The following GRIA2 variants were observed in gnomAD, a reference collection of about 807,000 sequenced individuals.
GRIA2 encodes the protein glutamate ionotropic receptor AMPA type subunit 2, also known as glutamate receptor 2.
In GRIA2, 14 loss-of-function variants were observed where a neutral mutation model predicts 97.3. The observed-to-expected ratio is 0.14, with a 90% CI of 0.10 to 0.23. The LOEUF (loss-of-function observed/expected upper bound fraction) is 0.23. GRIA2 is among the 10% of genes least tolerant of loss of function. The pLI, the probability that GRIA2 is intolerant of heterozygous loss-of-function variation, is 1.00. For synonymous variants in GRIA2, 412 were observed against 387.8 expected (o/e 1.06, Z -0.73); for missense variants, 558 against 1,069.8 (o/e 0.52, Z 6.67).
intron 12 of GRIA2, 51 bp from the exon 13 acceptor site, chr4:157,359,845 A>AT: frequency 1.9e-6 from 3 of 1,550,474 alleles, no homozygotes. Flanking sequence ...TTTGTGAGTA[A>AT]TTTTTTAGGG....
At chr4:157,326,680 C>A (rs976060427) in intron 6 of GRIA2, among the ~76,000 whole-genome samples, 1 of 152,120 alleles carries the variant, frequency 6.6e-6, no homozygotes, top group Non-Finnish European at 1.5e-5. Flanking sequence ...TATGTAATGT[C>A]TCCAGTGCAA....
At chr4:157,338,333 A>T (rs1455910907) in intron 11 of GRIA2, among the ~76,000 whole-genome samples, 1 of 151,980 alleles carries the variant, frequency 6.6e-6, no homozygotes, top group Admixed American at 6.6e-5. Flanking sequence ...GGAGAAGTGT[A>T]TGTGGGTTCA....
upstream of GRIA2, chr4:157,220,320 G>A (rs1729426609): frequency 6.6e-6 from 1 of 152,234 alleles, no homozygotes; most frequent in Non-Finnish European, 1.5e-5. Context: ...TGCTGCATTT[G>A]GTCCAGGTTG....
At chr4:157,341,595 GTC>G in intron 12 of GRIA2, 133 bp downstream of exon 12, 1 of 649,448 alleles carries the variant, frequency 1.5e-6, no homozygotes, top group Non-Finnish European at 2.7e-6. Context: ...TCTTGACTTT[GTC>G]TCTGTTTCTG....
At chr4:157,229,080 A>G (rs1051028309) in intron 2 of GRIA2, among the ~76,000 whole-genome samples, 3 of 152,198 alleles carry the variant, frequency 2.0e-5, no homozygotes, top group East Asian at 3.9e-4. Flanking sequence ...TTAAAAATGT[A>G]CAGAATCACA....
rs146186503 is a variant in GRIA2, at chr4:157,242,303, T to C, written c.229+20496T>C. Among the ~76,000 whole-genome samples the C allele has an allele frequency of 7.8e-3, 1,188 of 152,214 alleles. 7 individuals are homozygous for C. Among genetic ancestry groups the C allele is most frequent in the Middle Eastern group, 0.041 (12 of 294 alleles). On this transcript the variant is annotated intron_variant, in intron 2 of 15. Transcript: ENST00000264426. ...TGGAAAAAAACTATTAAGTAATTGA[T>C]ATAAGAAACAGAGCCCTGGCGATTT...
chr4:157,362,787 T>C lies in GRIA2; in HGVS notation c.2407-12T>C, dbSNP rs375219541. 7.5e-6 allele frequency: 12 copies of C among 1,607,520 alleles called. No homozygotes were observed. The African/African-American group carries it at 1.1e-4, about 14-fold the overall frequency. On this transcript the variant is annotated splice_polypyrimidine_tract_variant and intron_variant, in intron 14 of 15. Transcript: ENST00000264426. The stretch of plus-strand genomic sequence containing the variant: ...GCCTTCCTAATAACCTCTTCTCATA[T>C]ACATTCTTTAGGAAAAGACCAGTGC...
intron 3 of GRIA2, among the ~76,000 whole-genome samples, chr4:157,304,485 T>C (rs148488096): frequency 9.2e-5 from 14 of 152,312 alleles, no homozygotes; most frequent in South Asian, 2.1e-4. Flanking sequence ...CTTGCTTGAT[T>C]TATGTCATAG....
chr4:157,256,400 T>C (rs1731275233), intron 2 of GRIA2, among the ~76,000 whole-genome samples: 1 of 149,538 alleles, frequency 6.7e-6, no homozygotes, highest in African/African-American at 2.5e-5. Context: ...TAAGCATGTA[T>C]TCATGGTAAA....
Position 157,355,951 on chromosome 4 carries a change from T to TTA in GRIA2, c.2044-3939_2044-3938dup, listed in dbSNP as rs1553958593. ...TATATATTTATATATTAATATATAT[T>TTA]TATATATTTATGTATATTAATATAT... On this transcript the variant is annotated intron_variant, in intron 12 of 15. Transcript: ENST00000264426. Among the ~76,000 whole-genome samples the TTA allele has an allele frequency of 2.3e-3, 157 of 67,978 alleles. 1 individual carries two copies. The highest frequency in any genetic ancestry group is 5.5e-3 in the African/African-American group (73 of 13,244). The allele number at this position is 67,978 out of a possible 152,430, so 44.6% of individuals were successfully genotyped here.
intron 2 of GRIA2, among the ~76,000 whole-genome samples, chr4:157,250,258 T>C (rs1353741427): frequency 6.6e-6 from 1 of 152,074 alleles, no homozygotes; most frequent in Admixed American, 6.6e-5. Context: ...TATATTAAAG[T>C]TTAACTTGAT....
rs1260860145 is a variant in GRIA2, at chr4:157,341,222, C to T, written c.1845-42C>T. 3.1e-6 allele frequency: 4 copies of T among 1,293,766 alleles called. No individual in the cohort carries two copies. The Admixed American group carries it at 5.1e-5, about 17-fold the overall frequency. The allele number at this position is 1,293,766 out of a possible 1,614,324, so 80.1% of individuals were successfully genotyped here. A position where few individuals can be genotyped will look rare whatever the true frequency, so the allele number is the denominator to read the frequency against. ...CTGCTAACTTGTTTTTTTATTAGGT[C>T]ATTCATTTCACTTTACAAATCCATT... On this transcript the variant is annotated intron_variant, in intron 11 of 15. Transcript: ENST00000264426.
chr4:157,337,996 GTATATATATGTGTATA>G (rs1735364740), intron 11 of GRIA2, among the ~76,000 whole-genome samples: 2 of 126,084 alleles, frequency 1.6e-5, no homozygotes, highest in Non-Finnish European at 3.3e-5. Flanking sequence ...ACATATGTGT[GTATATATATGTGTATA>G]TATATATATA....
chr4:157,281,822 A>C (rs1732611565), intron 2 of GRIA2, among the ~76,000 whole-genome samples: 1 of 152,022 alleles, frequency 6.6e-6, no homozygotes, highest in African/African-American at 2.4e-5. Context: ...AATCTTCCAA[A>C]CCAGCACGTC....
At chr4:157,235,942 C>A (rs1039920475) in intron 2 of GRIA2, among the ~76,000 whole-genome samples, 2 of 151,814 alleles carry the variant, frequency 1.3e-5, no homozygotes, top group East Asian at 1.9e-4. Flanking sequence ...AATGCATATA[C>A]CTATTTTGAA....
At chr4:157,344,025 T>G (rs545358651) in intron 12 of GRIA2, among the ~76,000 whole-genome samples, 1 of 152,168 alleles carries the variant, frequency 6.6e-6, no homozygotes, top group Admixed American at 6.6e-5. Context: ...CCATCCAGTA[T>G]CATACCTTTC....
At chr4:157,239,782 TC>T (rs1181001218) in intron 2 of GRIA2, among the ~76,000 whole-genome samples, 3 of 152,028 alleles carry the variant, frequency 2.0e-5, no homozygotes, top group African/African-American at 7.2e-5. Flanking sequence ...TGACTATTAT[TC>T]AATGCAGAGC....
Position 157,361,021 on chromosome 4 carries a change from A to T in GRIA2, c.2303A>T (p.Asn768Ile). 6.2e-7 allele frequency: 1 copy of T among 1,608,968 alleles called. No homozygotes were observed. The highest frequency in any genetic ancestry group is 8.5e-7 in the Non-Finnish European group (1 of 1,175,414). ...PKGSSLRNAVNLAVLKLNEQG... is the reference protein window; with the variant it reads ...PKGSSLRNAVILAVLKLNEQG... Reference sequence around the variant, plus strand: ...TTTATCGTTTCAAGAAATGCGGTTAACCTCGCAGTACTAAAACTGAATGAA... The same window carrying T: ...TTTATCGTTTCAAGAAATGCGGTTATCCTCGCAGTACTAAAACTGAATGAA... Residue 768 changes from asparagine to isoleucine, a missense_variant, in exon 14 of 16, where the codon AAC becomes ATC. By Grantham distance (149) the Asn-to-Ile change is moderately radical. This residue lies in a region of GRIA2 where 125 missense variants were observed against 310.2 expected (regional missense o/e 0.40). Coordinates refer to ENST00000264426, the MANE Select transcript of GRIA2 (RefSeq NM_001083619.3). The surrounding 1 kb of genome is among the most constrained non-coding windows in gnomAD (Gnocchi z 5.2).
At position 157,334,028 on chromosome 4, in the gene GRIA2, G is replaced by C; in HGVS notation, c.1174G>C (p.Val392Leu). Residue 392 changes from valine to leucine, a missense_variant, in exon 9 of 16, where the codon GTG becomes CTG. Val to Leu is a conservative substitution (Grantham distance 32). Around this residue, in one of 8 missense-constraint regions of GRIA2, gnomAD observed 66 missense variants for 118.7 expected, o/e 0.56. Transcript: ENST00000264426. ...GPRKIGYWSE[V>L]DKMVVTLTEL... ...TTTCCAGATTGGCTACTGGAGTGAA[G>C]TGGACAAAATGGTTGTTACCCTTAC... 1 of 1,599,882 alleles carries C rather than the reference G, an allele frequency of 6.3e-7. No individual in the cohort carries two copies. The highest frequency in any genetic ancestry group is 8.6e-7 in the Non-Finnish European group (1 of 1,167,544).
Sources: gnomAD v4.1 joint callset for allele counts (sites outside exome capture counted in the v4.1 genomes callset) on GRCh38, gnomAD v4.1.1 for gene constraint, gnomAD v4.1.1 regional missense constraint, Gnocchi (gnomAD v3.1) non-coding constraint, MANE v1.5 for transcripts, NCBI Gene and HGNC (gene_info 2026-07-23, HGNC 2026-07-21) for gene names.